CACNB2: variants seen among roughly 807,000 people sequenced by gnomAD.
CACNB2 encodes calcium voltage-gated channel auxiliary subunit beta 2.
In CACNB2, 42 loss-of-function variants were observed where a neutral mutation model predicts 73.3. That is an observed-to-expected ratio of 0.57 (90% CI 0.45 to 0.74). CACNB2 has a LOEUF of 0.74. Among genes scored for constraint, CACNB2 ranks in the 30% least tolerant of loss-of-function variants. The probability of loss-of-function intolerance (pLI) is 0.00; values close to 1 mark genes in which losing one functional copy is unlikely to be tolerated. For missense variants in CACNB2, 940 were observed against 853.0 expected (o/e 1.10, Z -1.27); for synonymous variants, 348 against 310.3 (o/e 1.12, Z -1.28).
At chr10:18,219,089 T>C (rs1291313557) in intron 2 of CACNB2, among the ~76,000 whole-genome samples, 1 of 152,156 alleles carries the variant, frequency 6.6e-6, no homozygotes, top group African/African-American at 2.4e-5. Context: ...TGCTTGAGCC[T>C]GGGAGGTCGA....
At chr10:18,161,954 T>A (rs973992202) in intron 2 of CACNB2, among the ~76,000 whole-genome samples, 5 of 152,020 alleles carry the variant, frequency 3.3e-5, no homozygotes, top group Non-Finnish European at 7.4e-5. Context: ...AAATAAAATG[T>A]AAAAAATAAT....
intron 2 of CACNB2, among the ~76,000 whole-genome samples, chr10:18,262,952 GCTCATT>G (rs2037623726): frequency 6.6e-6 from 1 of 152,152 alleles, no homozygotes; most frequent in South Asian, 2.1e-4. Context: ...TGGTTCATCT[GCTCATT>G]CTCAAATATT....
chr10:18,170,513 C>CTGATGCA lies in CACNB2; in HGVS notation c.213+19540_213+19541insATGCATG, dbSNP rs1402407788. On this transcript the variant is annotated intron_variant, in intron 2 of 13. Coordinates refer to ENST00000324631, the MANE Select transcript of CACNB2 (RefSeq NM_201596.3). Reference sequence around the variant, plus strand: ...TCCTGGGAATATACGTGTAAATATACTGGCATCAGAACATGCATTCAGAGT... The same window carrying CTGATGCA: ...TCCTGGGAATATACGTGTAAATATACTGATGCATGGCATCAGAACATGCATTCAGAGT... Among the ~76,000 whole-genome samples the CTGATGCA allele has an allele frequency of 9.9e-5, 15 of 152,278 alleles. No homozygotes were observed. In the East Asian group the frequency reaches 2.9e-3, roughly 29 times the overall value.
At chr10:18,162,079 T>G (rs184384423) in intron 2 of CACNB2, among the ~76,000 whole-genome samples, 146 of 152,324 alleles carry the variant, frequency 9.6e-4, no homozygotes, top group Middle Eastern at 3.4e-3. Context: ...TATTCTTTTC[T>G]CTCTCATATT....
At chr10:18,151,176 G>T (rs2031523752) in intron 2 of CACNB2, 2 of 513,240 alleles carry the variant, frequency 3.9e-6, no homozygotes, top group East Asian at 6.6e-5. Context: ...CTCTTTCCTG[G>T]CAAGTTGAGG....
intron 2 of CACNB2, chr10:18,261,181 G>A: frequency 1.9e-6 from 3 of 1,548,518 alleles, no homozygotes; most frequent in Non-Finnish European, 2.6e-6. Context: ...AGTAGAAGGT[G>A]GGAAGAAATG....
intron 2 of CACNB2, among the ~76,000 whole-genome samples, chr10:18,333,074 A>G (rs772371568): frequency 6.6e-6 from 1 of 152,224 alleles, no homozygotes; most frequent in African/African-American, 2.4e-5. Flanking sequence ...TCATGAAGAT[A>G]AAATTGCTAT....
At chr10:18,306,328 A>G (rs1037462708) in intron 2 of CACNB2, among the ~76,000 whole-genome samples, 2 of 152,224 alleles carry the variant, frequency 1.3e-5, no homozygotes, top group Non-Finnish European at 2.9e-5. Flanking sequence ...AAATTTCTGG[A>G]GAAAGTAGAA....
chr10:18,206,547 G>A (rs938692321), intron 2 of CACNB2: 11 of 152,240 alleles, frequency 7.2e-5, no homozygotes, highest in African/African-American at 2.4e-4. Context: ...TTCCCCGATG[G>A]GACCAACTGC....
chr10:18,432,811 G>T (rs1315878937), intron 3 of CACNB2, among the ~76,000 whole-genome samples: 1 of 150,736 alleles, frequency 6.6e-6, no homozygotes, highest in Non-Finnish European at 1.5e-5. Flanking sequence ...CTCTACCAGG[G>T]TGACAGAGTC....
Position 18,278,148 on chromosome 10 carries a change from A to G in CACNB2, c.214-123776A>G, listed in dbSNP as rs1371507737. 4.6e-5 allele frequency among the ~76,000 whole-genome samples: 7 copies of G among 152,340 alleles called. No individual in the cohort carries two copies. In the South Asian group the frequency reaches 1.0e-3, roughly 23 times the overall value. ...AAGATTAATTATATAACTGCTATGC[A>G]TACATCATGACGAAAGAAATGCAGG... On this transcript the variant is annotated intron_variant, in intron 2 of 13. Coordinates refer to ENST00000324631, the MANE Select transcript of CACNB2 (RefSeq NM_201596.3).
chr10:18,515,689 C>G (rs535885372), intron 7 of CACNB2, among the ~76,000 whole-genome samples: 1 of 152,232 alleles, frequency 6.6e-6, no homozygotes, highest in Non-Finnish European at 1.5e-5. Context: ...TCACCCACAA[C>G]AGTGGGCCCA....
intron 2 of CACNB2, among the ~76,000 whole-genome samples, chr10:18,203,779 T>C (rs1314740576): frequency 6.6e-6 from 1 of 152,140 alleles, no homozygotes; most frequent in African/African-American, 2.4e-5. Flanking sequence ...AAGCAGGTTG[T>C]TGGAATAAAA....
chr10:18,214,825 G>C (rs1015347462), intron 2 of CACNB2, among the ~76,000 whole-genome samples: 1 of 152,024 alleles, frequency 6.6e-6, no homozygotes, highest in African/African-American at 2.4e-5. Flanking sequence ...TGAATTAGCA[G>C]GGAAGCATTT....
chr10:18,359,431 C>A (rs1451428389), intron 2 of CACNB2, among the ~76,000 whole-genome samples: 1 of 151,928 alleles, frequency 6.6e-6, no homozygotes, highest in Non-Finnish European at 1.5e-5. Context: ...GCCACCATGC[C>A]CGGCTAATTT....
chr10:18,477,359 A>G (rs190380215), intron 3 of CACNB2, among the ~76,000 whole-genome samples: 2 of 152,290 alleles, frequency 1.3e-5, no homozygotes, highest in East Asian at 3.9e-4. Context: ...ACTCCCATGA[A>G]TAAGAATGCC....
intron 2 of CACNB2, among the ~76,000 whole-genome samples, chr10:18,307,531 T>C (rs970118588): frequency 5.9e-5 from 9 of 152,246 alleles, no homozygotes; most frequent in African/African-American, 2.2e-4. Context: ...TGTTTGTTTT[T>C]TAATCCCCAC....
chr10:18,324,149 T>C (rs1188950419), intron 2 of CACNB2, among the ~76,000 whole-genome samples: 1 of 152,218 alleles, frequency 6.6e-6, no homozygotes, highest in Non-Finnish European at 1.5e-5. Context: ...ATTAATTAGG[T>C]ACCATCTATG....
chr10:18,324,717 G>A (rs548610565), intron 2 of CACNB2, among the ~76,000 whole-genome samples: 44 of 152,158 alleles, frequency 2.9e-4, no homozygotes, highest in Non-Finnish European at 5.3e-4. Flanking sequence ...TTAACTGGGT[G>A]TGGTGGCATG....
Sources: allele counts gnomAD v4.1 joint callset (sites outside exome capture counted in the v4.1 genomes callset), GRCh38; gene constraint gnomAD v4.1.1; transcripts MANE v1.5; gene names NCBI Gene and HGNC (gene_info 2026-07-23, HGNC 2026-07-21).